Variants in PSEN2 observed in about 807,000 individuals in gnomAD.
PSEN2 encodes presenilin 2.
In PSEN2, 32 loss-of-function variants were observed where a neutral mutation model predicts 49.1. That is an observed-to-expected ratio of 0.65 (90% CI 0.49 to 0.88). The LOEUF (loss-of-function observed/expected upper bound fraction) is 0.88, where lower values mean the gene tolerates loss of function less well. Among genes scored for constraint, PSEN2 ranks in the 40% least tolerant of loss-of-function variants. The pLI is 0.00. For synonymous variants in PSEN2, 255 were observed against 244.0 expected (o/e 1.05, Z -0.42); for missense variants, 522 against 586.9 (o/e 0.89, Z 1.14).
At chr1:226,885,794 C>A in intron 6 of PSEN2, 115 bp downstream of exon 6, 3 of 1,345,326 alleles carry the variant, frequency 2.2e-6, no homozygotes, top group South Asian at 1.2e-5. Flanking sequence ...GAAAATAGAC[C>A]CAGATTTTTT....
chr1:226,885,256 G>C (rs1661279505), intron 5 of PSEN2, among the ~76,000 whole-genome samples: 1 of 152,126 alleles, frequency 6.6e-6, no homozygotes, highest in Non-Finnish European at 1.5e-5. Context: ...TAATCCCTGT[G>C]GGGGTGGGGA....
rs781053654 is a variant in PSEN2, at chr1:226,889,042, TG to T, written c.781del (p.Val261CysfsTer14). On this transcript the variant is annotated frameshift_variant, in exon 8 of 13. Transcript: ENST00000366783. LOFTEE classifies it high-confidence loss of function. ...SAWVILGAIS[V>X]YDLVAVLCPK... ...CGTGGGTCATCCTGGGCGCCATCTC[TG>T]TGTATGGTAGGTGGGCAGCAAGGCT... The T allele has an allele frequency of 6.2e-7, 1 of 1,613,346 alleles. No individual in the cohort carries two copies. Among genetic ancestry groups the T allele is most frequent in the Non-Finnish European group, 8.5e-7 (1 of 1,179,630 alleles).
At position 226,877,673 on chromosome 1, in the gene PSEN2, G is replaced by A. The variant is rs113958123; in HGVS notation, c.-21+2123G>A. ...CTGCTTTCTTGAAGTCTTGGTCCTCGTTGTTGTGGGCACAGCTTCAGGGGA... is the reference window on the plus strand; with the variant it reads ...CTGCTTTCTTGAAGTCTTGGTCCTCATTGTTGTGGGCACAGCTTCAGGGGA... On this transcript the variant is annotated intron_variant, in intron 3 of 12. Coordinates refer to ENST00000366783, the MANE Select transcript of PSEN2 (RefSeq NM_000447.3). Among the ~76,000 whole-genome samples the A allele has an allele frequency of 4.2e-3, 642 of 152,334 alleles. 5 individuals carry two copies. Among genetic ancestry groups the A allele is most frequent in the African/African-American group, 0.014 (567 of 41,576 alleles).
chr1:226,874,639 C>G (rs1660515496), intron 2 of PSEN2, among the ~76,000 whole-genome samples: 1 of 152,218 alleles, frequency 6.6e-6, no homozygotes, highest in Non-Finnish European at 1.5e-5. Context: ...CTCACTGTGT[C>G]CCTCCTCCAT....
chr1:226,882,000 C>T lies in PSEN2; in HGVS notation c.93C>T (p.Cys31=), dbSNP rs2102668171. 6.2e-7 allele frequency: 1 copy of T among 1,614,084 alleles called. No homozygotes were observed. Among genetic ancestry groups the T allele is most frequent in the East Asian group, 2.2e-5 (1 of 44,876 alleles). The change falls in exon 4 of 13, where the codon TGC becomes TGT. Residue 31 remains cysteine, a synonymous_variant. Transcript: ENST00000366783. ...CTGAGAGCCCCACGCCGCGCTCCTG[C>T]CAGGAGGGCAGGCAGGGCCCAGAGG... ...MSAESPTPRS[C]QEGRQGPEDG...
intron 6 of PSEN2, among the ~76,000 whole-genome samples, chr1:226,886,431 C>G (rs1050111917): frequency 6.6e-6 from 1 of 152,082 alleles, no homozygotes; most frequent in Non-Finnish European, 1.5e-5. Flanking sequence ...GCCGAGTAGC[C>G]CCAGGGAGTA....
At chr1:226,878,079 TTTTC>T (rs1451108580) in intron 3 of PSEN2, among the ~76,000 whole-genome samples, 1 of 151,998 alleles carries the variant, frequency 6.6e-6, no homozygotes, top group Non-Finnish European at 1.5e-5. Flanking sequence ...TTCTTTTTCT[TTTTC>T]TTTCTTTTTT....
At position 226,890,028 on chromosome 1, in the gene PSEN2, T is replaced by C; in HGVS notation, c.788-7T>C. On this transcript the variant is annotated splice_polypyrimidine_tract_variant and splice_region_variant and intron_variant, in intron 8 of 12. Coordinates refer to ENST00000366783, the MANE Select transcript of PSEN2 (RefSeq NM_000447.3). Reference sequence around the variant, plus strand: ...ATAGTTTGACAAGGATGTCTCTGTCTTCCTAGATCTCGTGGCTGTGCTGTG... The same window carrying C: ...ATAGTTTGACAAGGATGTCTCTGTCCTCCTAGATCTCGTGGCTGTGCTGTG... 4 of 1,608,146 alleles carry C rather than the reference T, an allele frequency of 2.5e-6. No individual in the cohort carries two copies. Among genetic ancestry groups the C allele is most frequent in the Non-Finnish European group, 3.4e-6 (4 of 1,174,518 alleles).
At chr1:226,902,001 T>C (rs1662333909) in intron 12 of PSEN2, among the ~76,000 whole-genome samples, 2 of 151,784 alleles carry the variant, frequency 1.3e-5, no homozygotes, top group South Asian at 4.2e-4. Context: ...TCCCAGGAGG[T>C]AGGGAAGGGG....
chr1:226,880,604 A>T, intron 3 of PSEN2: 1 of 1,611,306 alleles, frequency 6.2e-7, no homozygotes. Flanking sequence ...GCGATCACTC[A>T]GCCTCTGGAC....
chr1:226,883,953 T>A, intron 5 of PSEN2, 34 bp downstream of exon 5: 2 of 435,006 alleles, frequency 4.6e-6, no homozygotes, highest in Non-Finnish European at 6.4e-6. Context: ...CAGGGTGGGG[T>A]GAGGGCTGAG....
intron 6 of PSEN2, among the ~76,000 whole-genome samples, chr1:226,886,641 C>T (rs1012718465): frequency 1.3e-5 from 2 of 152,174 alleles, no homozygotes; most frequent in African/African-American, 2.4e-5. Flanking sequence ...TTGTTCAGGC[C>T]GCTGCCATCC....
At chr1:226,870,702 G>C (rs1558133616) in intron 1 of PSEN2, 53 bp downstream of exon 1, 1 of 152,166 alleles carries the variant, frequency 6.6e-6, no homozygotes, top group Non-Finnish European at 1.5e-5. Flanking sequence ...CGCCTGCGGC[G>C]CTGAGGGCCC....
chr1:226,899,729 AT>A (rs1423967844), downstream of PSEN2, among the ~76,000 whole-genome samples: 3 of 152,194 alleles, frequency 2.0e-5, no homozygotes, highest in African/African-American at 7.2e-5. Context: ...GCAATAGTGC[AT>A]GGTATCAGGG....
chr1:226,872,700 G>A (rs1571931361), intron 2 of PSEN2, among the ~76,000 whole-genome samples: 1 of 152,102 alleles, frequency 6.6e-6, no homozygotes, highest in South Asian at 2.1e-4. Flanking sequence ...TTTGACTTTC[G>A]GACACTGTTT....
Position 226,891,328 on chromosome 1 carries a change from G to T in PSEN2, c.937G>T (p.Gly313Cys). ...GGCGAAGCTGGACCCCTCCTCTCAG[G>T]GTGCCCTCCAGCTCCCCTACGACCC... Reference protein sequence around the residue: ...GMAKLDPSSQGALQLPYDPEM... With the variant: ...GMAKLDPSSQCALQLPYDPEM... The change falls in exon 10 of 13, where the codon GGT (glycine) becomes TGT (cysteine). Residue 313 changes from glycine to cysteine, a missense_variant. Transcript: ENST00000366783. 1 of 1,613,844 alleles carries T rather than the reference G, an allele frequency of 6.2e-7. No individual in the cohort carries two copies.
chr1:226,899,195 C>A (rs1438832738), downstream of PSEN2: 1 of 152,126 alleles, frequency 6.6e-6, no homozygotes, highest in Non-Finnish European at 1.5e-5. Context: ...TTAAGAGATC[C>A]TTCCCTACCC....
At chr1:226,874,785 A>C (rs1660528982) in intron 2 of PSEN2, among the ~76,000 whole-genome samples, 1 of 152,224 alleles carries the variant, frequency 6.6e-6, no homozygotes, top group African/African-American at 2.4e-5. Context: ...GAGCTGTGTC[A>C]GATTAGACTG....
chr1:226,882,095 T>G (rs772564348), intron 4 of PSEN2, 47 bp downstream of exon 4: 1 of 1,605,438 alleles, frequency 6.2e-7, no homozygotes, highest in African/African-American at 1.3e-5. Flanking sequence ...TCCCTGCGGC[T>G]ACTGTACCTT....
Sources: allele counts gnomAD v4.1 joint callset (sites outside exome capture counted in the v4.1 genomes callset), GRCh38; gene constraint gnomAD v4.1.1; transcripts MANE v1.5; gene names NCBI Gene and HGNC (gene_info 2026-07-23, HGNC 2026-07-21).